The following CACNA1C variants were observed in gnomAD, a reference collection of about 807,000 sequenced individuals.
CACNA1C encodes the protein calcium voltage-gated channel subunit alpha1 C.
CACNA1C carries 30 observed loss-of-function variants against 229.0 expected under a neutral mutation model. The ratio of observed to expected loss-of-function variants is 0.13; its 90% CI spans 0.10 to 0.18. The LOEUF is 0.18. Among genes scored for constraint, CACNA1C ranks in the 10% least tolerant of loss-of-function variants. CACNA1C has a pLI of 1.00. For synonymous variants in CACNA1C, 1,114 were observed against 1,132.5 expected, an observed-to-expected ratio of 0.98 and a Z score of 0.33; for missense variants, 1,658 against 2,845.0, an observed-to-expected ratio of 0.58 and a Z score of 9.49.
rs916515845 is a variant in CACNA1C at position 2,200,958 on chromosome 12, G to A, written c.477+80528G>A. Among the ~76,000 whole-genome samples, 4 of 152,212 alleles carry A rather than the reference G, an allele frequency of 2.6e-5. No individual in the cohort carries two copies. In the East Asian group the frequency reaches 5.8e-4, roughly 22 times the overall value. ...TTGAATGTGCTTTTATCCAATGAAG[G>A]TAGCCTAGACATCTGTTTGAAAAAC... On this transcript the variant is annotated intron_variant, in intron 3 of 46. Transcript: ENST00000399655.
intron 5 of CACNA1C, among the ~76,000 whole-genome samples, chr12:2,461,017 C>T (rs188167155): frequency 4.6e-5 from 7 of 152,332 alleles, no homozygotes; most frequent in African/African-American, 1.7e-4. Flanking sequence ...CAAATGCCTC[C>T]GTCTTCTACT....
At chr12:2,150,098 C>G (rs2095103122) in intron 3 of CACNA1C, among the ~76,000 whole-genome samples, 1 of 152,160 alleles carries the variant, frequency 6.6e-6, no homozygotes, top group Non-Finnish European at 1.5e-5. Flanking sequence ...AGAGTAGCAG[C>G]TCCCAGAGGG....
At chr12:2,095,721 G>A (rs2073626295) in intron 1 of CACNA1C, among the ~76,000 whole-genome samples, 1 of 152,182 alleles carries the variant, frequency 6.6e-6, no homozygotes, top group African/African-American at 2.4e-5. Flanking sequence ...GCAGGACATA[G>A]GAAGATGGCA....
intron 3 of CACNA1C, among the ~76,000 whole-genome samples, chr12:2,323,116 C>T (rs1567050887): frequency 6.6e-6 from 1 of 152,210 alleles, no homozygotes; most frequent in Non-Finnish European, 1.5e-5. Flanking sequence ...CTCCTTCCTT[C>T]CCTGTTTCTC....
rs758691132 is a variant in CACNA1C at position 2,690,933 on chromosome 12, C to G, written c.6151C>G (p.Gln2051Glu). 1 of 1,591,492 alleles carries G rather than the reference C, an allele frequency of 6.3e-7. No homozygotes were observed. Among genetic ancestry groups the G allele is most frequent in the Non-Finnish European group, 8.6e-7 (1 of 1,167,556 alleles). ...LISEGLGQFA[Q>E]DPKFIEVTTQ... ...TTCAGAAGGACTGGGGCAGTTTGCT[C>G]AAGATCCCAAGTTCATCGAGGTCAC... The change falls in exon 47 of 47, where the codon CAA (glutamine) becomes GAA (glutamate). Residue 2051 changes from glutamine to glutamate, a missense_variant. Physicochemically the swap from Gln to Glu is conservative, Grantham distance 29. This residue lies in a region of CACNA1C where 590 missense variants were observed against 700.8 expected (regional missense o/e 0.84). Coordinates refer to ENST00000399655, the MANE Select transcript of CACNA1C (RefSeq NM_000719.7).
intron 3 of CACNA1C, among the ~76,000 whole-genome samples, chr12:2,205,333 T>G (rs903085983): frequency 5.9e-5 from 9 of 152,160 alleles, no homozygotes; most frequent in African/African-American, 9.7e-5. Flanking sequence ...GGGCAGGGCA[T>G]GTAGCCTGGG....
chr12:2,097,369 A>T (rs915233181), intron 1 of CACNA1C, among the ~76,000 whole-genome samples: 1 of 151,934 alleles, frequency 6.6e-6, no homozygotes, highest in Non-Finnish European at 1.5e-5. Context: ...GATAGTCTCG[A>T]TCTCCTGACC....
chr12:2,352,780 G>A (rs995395953), intron 3 of CACNA1C, among the ~76,000 whole-genome samples: 1 of 152,142 alleles, frequency 6.6e-6, no homozygotes, highest in Non-Finnish European at 1.5e-5. Flanking sequence ...AGAAAAATGA[G>A]TTCAGGACTA....
chr12:2,509,919 G>T (rs556234115), intron 8 of CACNA1C, among the ~76,000 whole-genome samples: 1 of 152,326 alleles, frequency 6.6e-6, no homozygotes, highest in East Asian at 1.9e-4. Flanking sequence ...ACACATTTTA[G>T]TGAGTAGGCG....
chr12:2,119,453 C>T (rs1454642776), intron 2 of CACNA1C, among the ~76,000 whole-genome samples: 3 of 152,166 alleles, frequency 2.0e-5, no homozygotes, highest in Non-Finnish European at 2.9e-5. Flanking sequence ...GTGGTCCCGT[C>T]GGAAGGGGTA....
chr12:2,195,291 G>T (rs1181209436), intron 3 of CACNA1C, among the ~76,000 whole-genome samples: 1 of 152,174 alleles, frequency 6.6e-6, no homozygotes, highest in Non-Finnish European at 1.5e-5. Context: ...CCTCCCTGTG[G>T]AAGGAGGGAT....
At chr12:2,502,274 C>T (rs1354786052) in intron 7 of CACNA1C, among the ~76,000 whole-genome samples, 1 of 152,252 alleles carries the variant, frequency 6.6e-6, no homozygotes, top group Non-Finnish European at 1.5e-5. Flanking sequence ...ACTCAAAGAG[C>T]GTTAGCTGAG....
intron 3 of CACNA1C, among the ~76,000 whole-genome samples, chr12:2,226,446 C>T (rs2063050749): frequency 6.6e-6 from 1 of 152,206 alleles, no homozygotes. Flanking sequence ...AATACCCTGA[C>T]TTTCTCTCTG....
At chr12:2,374,231 C>G (rs1423447653) in intron 3 of CACNA1C, among the ~76,000 whole-genome samples, 1 of 152,212 alleles carries the variant, frequency 6.6e-6, no homozygotes, top group African/African-American at 2.4e-5. Flanking sequence ...TCATTCTTCC[C>G]TGGTATGCTG....
intron 30 of CACNA1C, among the ~76,000 whole-genome samples, chr12:2,636,766 A>G (rs767570716): frequency 7.9e-5 from 12 of 152,238 alleles, no homozygotes; most frequent in Non-Finnish European, 2.9e-5. Context: ...CGACTTACTC[A>G]GAACTTACAT....
intron 2 of CACNA1C, among the ~76,000 whole-genome samples, chr12:2,117,893 TGGACA>T (rs1223717618): frequency 1.3e-5 from 2 of 152,206 alleles, no homozygotes; most frequent in African/African-American, 2.4e-5. Flanking sequence ...GAAGACTGGC[TGGACA>T]GGGAAGGAGA....
intron 13 of CACNA1C, among the ~76,000 whole-genome samples, chr12:2,578,721 T>A (rs2059456803): frequency 6.6e-6 from 1 of 152,082 alleles, no homozygotes. Context: ...GGGAAGGTGA[T>A]GGGTGGGAAG....
At chr12:2,495,976 C>T (rs1293886593) in intron 7 of CACNA1C, among the ~76,000 whole-genome samples, 1 of 152,222 alleles carries the variant, frequency 6.6e-6, no homozygotes, top group Non-Finnish European at 1.5e-5. Context: ...TCTCCCTCTT[C>T]CTTTCTCTCC....
Position 2,075,091 on chromosome 12 carries a change from A to G in CACNA1C, c.49+21480A>G, listed in dbSNP as rs1178143503. ...TCTTAATGCATTCCTTCAGTTATAAACAGTTTAGAGCCATGACAGCCAACA... is the reference window on the plus strand; with the variant it reads ...TCTTAATGCATTCCTTCAGTTATAAGCAGTTTAGAGCCATGACAGCCAACA... On this transcript the variant is annotated intron_variant, in intron 1 of 46. Coordinates refer to ENST00000399655, the MANE Select transcript of CACNA1C (RefSeq NM_000719.7). Among the ~76,000 whole-genome samples, 6 of 152,244 alleles carry G rather than the reference A, an allele frequency of 3.9e-5. No homozygotes were observed. The East Asian group carries it at 1.2e-3, about 29-fold the overall frequency.
Sources: allele counts gnomAD v4.1 joint callset (sites outside exome capture counted in the v4.1 genomes callset), GRCh38; gene constraint gnomAD v4.1.1; regional missense constraint gnomAD v4.1.1; transcripts MANE v1.5; gene names NCBI Gene and HGNC (gene_info 2026-07-23, HGNC 2026-07-21).